MDFIC2: variants seen among roughly 807,000 people sequenced by gnomAD.
MDFIC2 encodes the protein myoD family inhibitor domain-containing protein 2.
chr3:70,220,983 G>A (rs140355649), intron 2 of MDFIC2, among the ~76,000 whole-genome samples: 1 of 152,158 alleles, frequency 6.6e-6, no homozygotes, highest in African/African-American at 2.4e-5. Flanking sequence ...GGTAGGTAAT[G>A]ACATGTTTTA....
At chr3:70,260,952 A>G (rs375846111) in intron 2 of MDFIC2, among the ~76,000 whole-genome samples, 1 of 152,048 alleles carries the variant, frequency 6.6e-6, no homozygotes, top group East Asian at 1.9e-4. Context: ...AAGATAAGTG[A>G]TTTTCTCAAG....
chr3:70,240,455 T>A (rs1217303581), intron 2 of MDFIC2, among the ~76,000 whole-genome samples: 1 of 152,170 alleles, frequency 6.6e-6, no homozygotes, highest in Non-Finnish European at 1.5e-5. Context: ...TGACACACTA[T>A]TTTTTGGTGT....
chr3:70,282,681 T>G (rs113699884), intron 2 of MDFIC2, among the ~76,000 whole-genome samples: 3 of 152,186 alleles, frequency 2.0e-5, no homozygotes, highest in Non-Finnish European at 4.4e-5. Context: ...TGCTGCCAAA[T>G]AAGAGAGGCC....
chr3:70,227,567 GA>G (rs1473728369), intron 2 of MDFIC2, among the ~76,000 whole-genome samples: 1 of 152,194 alleles, frequency 6.6e-6, no homozygotes, highest in Non-Finnish European at 1.5e-5. Flanking sequence ...CCAAAAATAA[GA>G]AAGTGAAAAG....
chr3:70,274,838 C>T (rs1702007157), intron 2 of MDFIC2, among the ~76,000 whole-genome samples: 1 of 152,146 alleles, frequency 6.6e-6, no homozygotes, highest in African/African-American at 2.4e-5. Flanking sequence ...CTAGATATTG[C>T]TAGTGATGTA....
intron 2 of MDFIC2, among the ~76,000 whole-genome samples, chr3:70,277,518 C>A (rs17006997): frequency 0.058 from 8,817 of 152,170 alleles, 623 homozygotes; most frequent in East Asian, 0.36. Flanking sequence ...GATCTCTGAA[C>A]GAACAGACCG....
rs1701177676 is a variant in MDFIC2, at chr3:70,196,190, ATAAC to A, written c.*732_*735del. 2.0e-5 allele frequency among the ~76,000 whole-genome samples: 3 copies of A among 152,328 alleles called. No individual in the cohort carries two copies. The South Asian group carries it at 6.2e-4, about 32-fold the overall frequency. ...ATAATTCTCATTTATGCTTATTAGAATAACTAAGAGCCTTTCTGTAACGAATTAA... is the reference window on the plus strand; with the variant it reads ...ATAATTCTCATTTATGCTTATTAGAATAAGAGCCTTTCTGTAACGAATTAA... On this transcript the variant is annotated 3_prime_UTR_variant, in exon 4 of 4. Transcript: ENST00000567252.
chr3:70,289,175 C>G lies in MDFIC2; in HGVS notation c.88+22711G>C, dbSNP rs1443003393. ...AGTCTCGATGGTCTTTACATTTTGG[C>G]ATGATTTTGCAGCGGCTGGTACCGG... On this transcript the variant is annotated intron_variant, in intron 2 of 3. Transcript: ENST00000567252. Among the ~76,000 whole-genome samples, 12 of 149,916 alleles carry G rather than the reference C, an allele frequency of 8.0e-5. 1 individual carries two copies. The highest frequency in any genetic ancestry group is 3.0e-5 in the Non-Finnish European group (2 of 67,076).
chr3:70,206,541 G>T (rs1701292232), intron 3 of MDFIC2, 28 bp downstream of exon 3: 2 of 397,238 alleles, frequency 5.0e-6, no homozygotes, highest in South Asian at 1.3e-4. Context: ...GCTTTATTTA[G>T]AGATGGGTTG....
chr3:70,276,885 A>G (rs1702032303), intron 2 of MDFIC2, among the ~76,000 whole-genome samples: 1 of 152,192 alleles, frequency 6.6e-6, no homozygotes, highest in Non-Finnish European at 1.5e-5. Flanking sequence ...GTCAAATTAC[A>G]CTCCAGAAAG....
chr3:70,260,301 T>A (rs940251745), intron 2 of MDFIC2, among the ~76,000 whole-genome samples: 1 of 152,142 alleles, frequency 6.6e-6, no homozygotes, highest in Non-Finnish European at 1.5e-5. Flanking sequence ...TGTCTTCCCA[T>A]CGCCACTTCT....
At chr3:70,278,765 TA>T (rs1405159811) in intron 2 of MDFIC2, among the ~76,000 whole-genome samples, 1 of 152,138 alleles carries the variant, frequency 6.6e-6, no homozygotes, top group Non-Finnish European at 1.5e-5. Flanking sequence ...TACCAAGTAA[TA>T]ACTAGGAGGC....
intron 2 of MDFIC2, among the ~76,000 whole-genome samples, chr3:70,276,578 C>A (rs1164737872): frequency 2.0e-5 from 3 of 152,164 alleles, no homozygotes; most frequent in Non-Finnish European, 4.4e-5. Flanking sequence ...TTGTGTTAGA[C>A]ACCTACCTGA....
Position 70,206,744 on chromosome 3 carries a change from A to AT in MDFIC2, c.134dup (p.Asn45LysfsTer10), listed in dbSNP as rs1162214592. 16 of 397,898 alleles carry AT rather than the reference A, an allele frequency of 4.0e-5. No homozygotes were observed. The East Asian group carries it at 5.7e-4, about 14-fold the overall frequency. 24.6% of individuals were successfully genotyped at this position (397,898 alleles called of 1,614,324 possible). On this transcript the variant is annotated frameshift_variant, in exon 3 of 4. Coordinates refer to ENST00000567252, the MANE Select transcript of MDFIC2 (RefSeq NM_001364677.1). LOFTEE classifies it high-confidence loss of function. The stretch of plus-strand genomic sequence containing the variant: ...CAGATACTGAATTTATAACAATAGC[A>AT]TTAATGGGTTTCTCATCTGCATGCT...
chr3:70,209,262 C>A (rs1358137048), intron 2 of MDFIC2, among the ~76,000 whole-genome samples: 1 of 152,050 alleles, frequency 6.6e-6, no homozygotes, highest in African/African-American at 2.4e-5. Context: ...CTTTTATCCA[C>A]TAGATGCTAG....
At chr3:70,228,166 T>A (rs917774190) in intron 2 of MDFIC2, among the ~76,000 whole-genome samples, 3 of 152,022 alleles carry the variant, frequency 2.0e-5, no homozygotes, top group Admixed American at 6.6e-5. Context: ...CTGTCCTTAA[T>A]TTTTAGAGGT....
intron 2 of MDFIC2, among the ~76,000 whole-genome samples, chr3:70,307,004 C>T (rs1024536982): frequency 1.3e-5 from 2 of 151,710 alleles, no homozygotes; most frequent in African/African-American, 2.4e-5. Flanking sequence ...GAGAGAGAGA[C>T]AAATAGAGAG....
Position 70,197,188 on chromosome 3 carries a change from G to A in MDFIC2, c.311-3C>T, listed in dbSNP as rs1370701602. 1 of 398,394 alleles carries A rather than the reference G, an allele frequency of 2.5e-6. No individual in the cohort carries two copies. The highest frequency in any genetic ancestry group is 4.4e-6 in the Non-Finnish European group (1 of 226,024). The allele number at this position is 398,394 out of a possible 1,614,324, so 24.7% of individuals were successfully genotyped here. On this transcript the variant is annotated splice_polypyrimidine_tract_variant and splice_region_variant and intron_variant, in intron 3 of 3. Coordinates refer to ENST00000567252, the MANE Select transcript of MDFIC2 (RefSeq NM_001364677.1). ...GAGGATAAGGGAGGCACACTCCTCTGTTTAAAGAAGAAGACCAATTAATAG... is the reference window on the plus strand; with the variant it reads ...GAGGATAAGGGAGGCACACTCCTCTATTTAAAGAAGAAGACCAATTAATAG...
intron 2 of MDFIC2, among the ~76,000 whole-genome samples, chr3:70,219,131 G>A (rs1241527046): frequency 6.6e-6 from 1 of 152,142 alleles, no homozygotes; most frequent in Non-Finnish European, 1.5e-5. Context: ...CTGCATCACA[G>A]TCCTTGAAAC....
Sources: allele counts gnomAD v4.1 joint callset (sites outside exome capture counted in the v4.1 genomes callset), GRCh38; gene constraint gnomAD v4.1.1; transcripts MANE v1.5; gene names NCBI Gene and HGNC (gene_info 2026-07-23, HGNC 2026-07-21).